The following ADRA1B variants were observed in gnomAD, a reference collection of about 807,000 sequenced individuals.
ADRA1B encodes alpha-1B adrenergic receptor.
In ADRA1B, 17 loss-of-function variants were observed where a neutral mutation model predicts 17.9. The observed-to-expected ratio is 0.95, with a 90% CI of 0.65 to 1.42. The LOEUF is 1.42. ADRA1B is among the 40% of genes most tolerant of loss of function. The pLI is 0.00. For missense variants in ADRA1B, 681 were observed against 722.1 expected (o/e 0.94, Z 0.65); for synonymous variants, 366 against 327.6 (o/e 1.12, Z -1.27).
intron 1 of ADRA1B, among the ~76,000 whole-genome samples, chr5:159,941,709 A>G (rs1038868214): frequency 4.6e-5 from 7 of 152,078 alleles, no homozygotes; most frequent in African/African-American, 1.7e-4. Flanking sequence ...AAAAGAGAAC[A>G]AAGTATGGAC....
chr5:159,980,142 C>T, the ADRA1B span, among the ~76,000 whole-genome samples: 3 of 151,978 alleles, frequency 2.0e-5, no homozygotes, highest in African/African-American at 7.2e-5. Context: ...TTAGGGGGCC[C>T]TGACAACTGG....
Position 159,916,912 on chromosome 5 carries a change from C to T in ADRA1B, c.7C>T (p.Pro3Ser). MN[P>S]DLDTGHNTSA... ...ATGGAGGGCGGACTCTAAGATGAATCCCGACCTGGACACCGGCCACAACAC... is the reference window on the plus strand; with the variant it reads ...ATGGAGGGCGGACTCTAAGATGAATTCCGACCTGGACACCGGCCACAACAC... Residue 3 changes from proline (P) to serine (S), a missense_variant, in exon 1 of 2, where the codon CCC becomes TCC. This residue lies in a region of ADRA1B where 424 missense variants were observed against 480.2 expected (regional missense o/e 0.88). Coordinates refer to ENST00000306675, the MANE Select transcript of ADRA1B (RefSeq NM_000679.4). The T allele has an allele frequency of 6.2e-7, 1 of 1,609,892 alleles. No individual in the cohort carries two copies. The highest frequency in any genetic ancestry group is 2.2e-5 in the East Asian group (1 of 44,842).
At chr5:159,876,803 C>T (rs765879431) in intron 1 of ADRA1B, among the ~76,000 whole-genome samples, 21 of 152,140 alleles carry the variant, frequency 1.4e-4, no homozygotes, top group African/African-American at 3.9e-4. Context: ...AAGTAAAGGA[C>T]GATTTGTCCC....
At chr5:159,949,691 G>A (rs1442834426) in intron 1 of ADRA1B, among the ~76,000 whole-genome samples, 1 of 152,150 alleles carries the variant, frequency 6.6e-6, no homozygotes, top group Non-Finnish European at 1.5e-5. Context: ...CCATGTAGTA[G>A]GAGGTACTAG....
upstream of ADRA1B, among the ~76,000 whole-genome samples, chr5:159,911,510 T>C (rs1463708074): frequency 6.6e-6 from 1 of 152,190 alleles, no homozygotes; most frequent in African/African-American, 2.4e-5. Flanking sequence ...CCTGGGTGAC[T>C]TGCCAGTTAA....
At chr5:159,948,167 A>C in intron 1 of ADRA1B, 5 of 985,454 alleles carry the variant, frequency 5.1e-6, no homozygotes, top group Non-Finnish European at 6.0e-6. Flanking sequence ...ACTTTGACCC[A>C]GGGCTGGAGG....
At chr5:159,888,832 A>G (rs1753953644) in intron 1 of ADRA1B, among the ~76,000 whole-genome samples, 2 of 152,254 alleles carry the variant, frequency 1.3e-5, no homozygotes, top group Non-Finnish European at 1.5e-5. Flanking sequence ...TTCAGTTTAC[A>G]TGAAGCTATT....
chr5:159,883,640 G>T (rs1368592539), intron 1 of ADRA1B, among the ~76,000 whole-genome samples: 2 of 152,168 alleles, frequency 1.3e-5, no homozygotes, highest in African/African-American at 4.8e-5. Context: ...CCTTCCCCAT[G>T]GACTTGGCTG....
chr5:159,891,602 G>A (rs1753983414), intron 1 of ADRA1B, among the ~76,000 whole-genome samples: 1 of 152,168 alleles, frequency 6.6e-6, no homozygotes, highest in Admixed American at 6.5e-5. Context: ...TGGACGACTT[G>A]GAGGTGGAAA....
At chr5:159,900,378 G>T (rs1306397489) in intron 1 of ADRA1B, among the ~76,000 whole-genome samples, 1 of 152,156 alleles carries the variant, frequency 6.6e-6, no homozygotes, top group Non-Finnish European at 1.5e-5. Context: ...GTTTATTCAA[G>T]GCCTCTTTTA....
chr5:159,965,344 C>G (rs763808540), intron 1 of ADRA1B, among the ~76,000 whole-genome samples: 4 of 152,164 alleles, frequency 2.6e-5, no homozygotes, highest in African/African-American at 9.7e-5. Flanking sequence ...GGGCCAGGCT[C>G]GGGAACATGC....
At chr5:159,916,009 A>C (rs1337972494), upstream of ADRA1B, 1 of 152,318 alleles carries the variant, frequency 6.6e-6, no homozygotes, top group Non-Finnish European at 1.5e-5. Flanking sequence ...ACTGGGGCCA[A>C]AGAGTTTGCA....
intron 1 of ADRA1B, chr5:159,951,488 A>C: frequency 1.4e-6 from 1 of 696,264 alleles, no homozygotes; most frequent in South Asian, 1.5e-5. Flanking sequence ...TCCAGCCTTC[A>C]CCTTCACCAC....
chr5:159,954,519 C>T (rs3896275), intron 1 of ADRA1B, among the ~76,000 whole-genome samples: 20,044 of 152,166 alleles, frequency 0.13, 1,702 homozygotes, highest in East Asian at 0.32. Context: ...AGGACAATCA[C>T]TCCATTGCGC....
intron 1 of ADRA1B, among the ~76,000 whole-genome samples, chr5:159,923,158 G>C (rs767003805): frequency 1.5e-4 from 23 of 152,398 alleles, no homozygotes; most frequent in Non-Finnish European, 2.9e-4. Flanking sequence ...AGGCAGGTGC[G>C]TGTCAAGGCC....
the ADRA1B span, among the ~76,000 whole-genome samples, chr5:159,988,503 A>G: frequency 4.6e-5 from 7 of 152,234 alleles, no homozygotes; most frequent in Non-Finnish European, 8.8e-5. Context: ...AGTCCTTTAC[A>G]ATGCTGAGAT....
intron 1 of ADRA1B, among the ~76,000 whole-genome samples, chr5:159,926,184 T>C (rs2113183198): frequency 6.6e-6 from 1 of 152,364 alleles, no homozygotes; most frequent in South Asian, 2.1e-4. Context: ...TTTTGTGCAT[T>C]TGTTCCCTCT....
rs1043824361 is a variant in ADRA1B at position 159,951,076 on chromosome 5, G to C, written c.950-20803G>C. Reference sequence around the variant, plus strand: ...AGGCATAGCTGACGATATTGAGTCTGTTGTCATACTTCTTGTGGTTCATGC... The same window carrying C: ...AGGCATAGCTGACGATATTGAGTCTCTTGTCATACTTCTTGTGGTTCATGC... On this transcript the variant is annotated intron_variant, in intron 1 of 1. Coordinates refer to ENST00000306675, the MANE Select transcript of ADRA1B (RefSeq NM_000679.4). 2.3e-5 allele frequency: 17 copies of C among 727,880 alleles called. No homozygotes were observed. The Middle Eastern group carries it at 1.2e-3, about 50-fold the overall frequency. 45.1% of individuals were successfully genotyped at this position (727,880 alleles called of 1,614,324 possible).
chr5:159,907,955 TCACA>T (rs371637793), intron 1 of ADRA1B, among the ~76,000 whole-genome samples: 22 of 147,008 alleles, frequency 1.5e-4, no homozygotes, highest in Non-Finnish European at 2.3e-4. Flanking sequence ...TCTCTCTCTG[TCACA>T]CACACACACA....
Sources: allele counts gnomAD v4.1 joint callset (sites outside exome capture counted in the v4.1 genomes callset), GRCh38; gene constraint gnomAD v4.1.1; regional missense constraint gnomAD v4.1.1; transcripts MANE v1.5; gene names NCBI Gene and HGNC (gene_info 2026-07-23, HGNC 2026-07-21).